Variants in APOLD1 observed in about 807,000 individuals in gnomAD.
APOLD1 encodes apolipoprotein L domain containing 1.
Under a neutral mutation model 15.3 loss-of-function variants are expected in APOLD1, and 22 were observed. The ratio of observed to expected loss-of-function variants is 1.44; its 90% CI spans 1.03 to 2.05. APOLD1 has a LOEUF of 2.05. Among genes scored for constraint, APOLD1 ranks in the 30% most tolerant of loss-of-function variants. The pLI, the probability that APOLD1 is intolerant of heterozygous loss-of-function variation, is 0.00. For missense variants in APOLD1, 394 were observed against 353.5 expected (o/e 1.11, Z -0.92); for synonymous variants, 190 against 167.4 (o/e 1.13, Z -1.04).
chr12:12,772,787 A>T (rs1946999222), intron 1 of APOLD1, among the ~76,000 whole-genome samples: 1 of 152,244 alleles, frequency 6.6e-6, no homozygotes, highest in African/African-American at 2.4e-5. Flanking sequence ...TGTAATGTCT[A>T]CTCTCAGACC....
Position 12,790,506 on chromosome 12 carries a change from CT to C in APOLD1, c.*2855del, listed in dbSNP as rs1264329087. ...GCCTAAGCTATTCCCTAGAATTAAA[CT>C]GGGCACTTTTGGAAGCAGCAACAGT... is the stretch of plus-strand genomic sequence containing the variant. On this transcript the variant is annotated 3_prime_UTR_variant, in exon 2 of 2. Coordinates refer to ENST00000356591, the MANE Select transcript of APOLD1 (RefSeq NM_030817.3). The C allele has an allele frequency of 6.6e-6, 1 of 152,168 alleles. No individual in the cohort carries two copies. Among genetic ancestry groups the C allele is most frequent in the Admixed American group, 6.5e-5 (1 of 15,276 alleles). 9.4% of individuals were successfully genotyped at this position (152,168 alleles called of 1,614,324 possible). A position where few individuals can be genotyped will look rare whatever the true frequency, so the allele number is the denominator to read the frequency against.
At chr12:12,782,164 C>T (rs1429602742), upstream of APOLD1, among the ~76,000 whole-genome samples, 1 of 152,046 alleles carries the variant, frequency 6.6e-6, no homozygotes, top group Non-Finnish European at 1.5e-5. Flanking sequence ...GAGGCTGAGG[C>T]AGGAGAATCG....
At chr12:12,785,574 CA>C, upstream of APOLD1, 2 of 1,599,058 alleles carry the variant, frequency 1.3e-6, no homozygotes, top group South Asian at 2.2e-5. Context: ...CAGGAAATGG[CA>C]AATTCTCAGA....
chr12:12,781,513 A>G (rs1341811854), upstream of APOLD1, among the ~76,000 whole-genome samples: 1 of 151,790 alleles, frequency 6.6e-6, no homozygotes, highest in Non-Finnish European at 1.5e-5. Context: ...CTTGAGCGTA[A>G]TTATCACTTT....
intron 1 of APOLD1, among the ~76,000 whole-genome samples, chr12:12,751,973 A>G (rs10845625): frequency 0.078 from 11,940 of 152,184 alleles, 610 homozygotes; most frequent in East Asian, 0.19. Context: ...AGAAACTGAA[A>G]AGGCAAGAAA....
At chr12:12,726,123 G>GGTGTGA in intron 1 of APOLD1, 1 of 1,356,290 alleles carries the variant, frequency 7.4e-7, no homozygotes, top group Non-Finnish European at 9.8e-7. Context: ...CGGGAGGGTG[G>GGTGTGA]AGGTGGCCCG....
chr12:12,746,510 A>AATC (rs1946767223), intron 1 of APOLD1, among the ~76,000 whole-genome samples: 1 of 149,952 alleles, frequency 6.7e-6, no homozygotes, highest in African/African-American at 2.5e-5. Flanking sequence ...TAAATAAATA[A>AATC]ATAAATACAT....
intron 1 of APOLD1, among the ~76,000 whole-genome samples, chr12:12,769,655 G>T (rs530541235): frequency 6.6e-6 from 1 of 152,294 alleles, no homozygotes; most frequent in Non-Finnish European, 1.5e-5. Flanking sequence ...TTAAGAACAA[G>T]GTCTTCCCTC....
chr12:12,774,060 G>T (rs1388907603), intron 1 of APOLD1, among the ~76,000 whole-genome samples: 1 of 151,996 alleles, frequency 6.6e-6, no homozygotes, highest in Non-Finnish European at 1.5e-5. Flanking sequence ...AACATCAAAG[G>T]CACAATCCAT....
rs747928730 is a variant in APOLD1, at chr12:12,787,476, A to C, written c.571A>C (p.Ser191Arg). Residue 191 changes from serine (S) to arginine (R), a missense_variant, in exon 2 of 2, where the codon AGC becomes CGC. By Grantham distance (110) the Ser-to-Arg change is moderately radical (BLOSUM62 -1). Coordinates refer to ENST00000356591, the MANE Select transcript of APOLD1 (RefSeq NM_030817.3). This position sits in a 1 kb window ranked among gnomAD's most constrained non-coding sequence, Gnocchi z 4.9. ...GCGGGCGGAGGGGGACACCAAGGTT[A>C]GCCAGGCCGTGCTGAAGGCCAAGAT... ...PRRAEGDTKV[S>R]QAVLKAKIQK... The C allele has an allele frequency of 9.1e-5, 147 of 1,614,026 alleles. No individual in the cohort carries two copies. The highest frequency in any genetic ancestry group is 1.2e-4 in the Non-Finnish European group (145 of 1,180,036).
chr12:12,764,289 A>C (rs1946927309), intron 1 of APOLD1, among the ~76,000 whole-genome samples: 1 of 152,144 alleles, frequency 6.6e-6, no homozygotes, highest in South Asian at 2.1e-4. Context: ...TATAGTTACC[A>C]TGTTGTACAA....
At chr12:12,761,299 T>TA (rs1305586515) in intron 1 of APOLD1, among the ~76,000 whole-genome samples, 6 of 152,212 alleles carry the variant, frequency 3.9e-5, no homozygotes, top group African/African-American at 1.4e-4. Flanking sequence ...TATAAAGACT[T>TA]ACTTTATTTT....
At position 12,768,832 on chromosome 12, in the gene APOLD1, T is replaced by C. The variant is rs184340171; in HGVS notation, c.97-18077T>C. On this transcript the variant is annotated intron_variant, in intron 1 of 1. Transcript: ENST00000326765. ...GTAGTTTACTTTTTTTTTTTTAGCATTGAAAGTAAAGGCAGAAATGACTTT... is the reference window on the plus strand; with the variant it reads ...GTAGTTTACTTTTTTTTTTTTAGCACTGAAAGTAAAGGCAGAAATGACTTT... Among the ~76,000 whole-genome samples, 4 of 151,792 alleles carry C rather than the reference T, an allele frequency of 2.6e-5. No individual in the cohort carries two copies. In the East Asian group the frequency reaches 5.8e-4, roughly 22 times the overall value.
chr12:12,749,163 G>A lies in APOLD1; in HGVS notation c.96+23067G>A, dbSNP rs1455052969. On this transcript the variant is annotated intron_variant, in intron 1 of 1. Coordinates refer to the APOLD1 transcript ENST00000326765. ...CCCAAAGCACTGATTCTGGGTATGC[G>A]ATTCTGCTTGAGCTACCTGCTAGGA... is the stretch of plus-strand genomic sequence containing the variant. Among the ~76,000 whole-genome samples the A allele has an allele frequency of 2.0e-5, 3 of 152,164 alleles. 1 individual carries two copies. Among genetic ancestry groups the A allele is most frequent in the Middle Eastern group, 6.8e-3 (2 of 294 alleles).
chr12:12,755,373 A>C (rs1218537500), intron 1 of APOLD1, among the ~76,000 whole-genome samples: 1 of 152,214 alleles, frequency 6.6e-6, no homozygotes, highest in Non-Finnish European at 1.5e-5. Flanking sequence ...GGCAAAAGGA[A>C]GCCCTATACC....
intron 1 of APOLD1, among the ~76,000 whole-genome samples, chr12:12,774,362 T>C (rs1487655779): frequency 6.6e-6 from 1 of 151,528 alleles, no homozygotes; most frequent in Non-Finnish European, 1.5e-5. Flanking sequence ...CTGGCCAACA[T>C]GGTGAAACCC....
At chr12:12,749,595 G>A (rs1311336011) in intron 1 of APOLD1, among the ~76,000 whole-genome samples, 1 of 152,166 alleles carries the variant, frequency 6.6e-6, no homozygotes, top group Non-Finnish European at 1.5e-5. Flanking sequence ...GTTTGCACAG[G>A]AGTGTGACGT....
intron 1 of APOLD1, among the ~76,000 whole-genome samples, chr12:12,766,867 A>G (rs2136389422): frequency 6.6e-6 from 1 of 152,204 alleles, no homozygotes; most frequent in Admixed American, 6.5e-5. Context: ...AAAACAAACT[A>G]AAACAACAAA....
intron 1 of APOLD1, among the ~76,000 whole-genome samples, chr12:12,754,730 C>T (rs766275631): frequency 1.3e-5 from 2 of 152,042 alleles, no homozygotes; most frequent in Non-Finnish European, 2.9e-5. Flanking sequence ...CATGCCTGGC[C>T]GAAATCTATC....
Sources: allele counts gnomAD v4.1 joint callset (sites outside exome capture counted in the v4.1 genomes callset), GRCh38; gene constraint gnomAD v4.1.1; non-coding constraint Gnocchi (gnomAD v3.1); transcripts MANE v1.5; gene names NCBI Gene and HGNC (gene_info 2026-07-23, HGNC 2026-07-21).